The following DNM3 variants were observed in gnomAD, a reference collection of about 807,000 sequenced individuals.
DNM3 encodes the protein dynamin-3.
In DNM3, 47 loss-of-function variants were observed where a neutral mutation model predicts 101.6. That is an observed-to-expected ratio of 0.46 (90% CI 0.37 to 0.59). DNM3 has a LOEUF of 0.59. DNM3 is among the 20% of genes least tolerant of loss of function. DNM3 has a pLI of 0.00. For synonymous variants in DNM3, 385 were observed against 387.9 expected (o/e 0.99, Z 0.09); for missense variants, 849 against 1,085.7 (o/e 0.78, Z 3.06).
intron 14 of DNM3, among the ~76,000 whole-genome samples, chr1:172,189,755 G>A (rs957948984): frequency 6.6e-6 from 1 of 151,984 alleles, no homozygotes; most frequent in African/African-American, 2.4e-5. Flanking sequence ...TCTGCTTCTG[G>A]TGAGGGTCTC....
At chr1:172,256,190 G>T (rs2148696010) in intron 15 of DNM3, among the ~76,000 whole-genome samples, 1 of 152,098 alleles carries the variant, frequency 6.6e-6, no homozygotes, top group South Asian at 2.1e-4. Context: ...ATTTCTGCCT[G>T]GTTTTAATAT....
rs907246480 is a variant in DNM3 at position 171,994,025 on chromosome 1, AT to A, written c.589+4886del. On this transcript the variant is annotated intron_variant, in intron 4 of 20. Transcript: ENST00000627582. Reference sequence around the variant, plus strand: ...CATTCTTTTTGTTCTTTAGATTATTATTTTTTTTTAGTTTTTAAAACATATT... The same window carrying A: ...CATTCTTTTTGTTCTTTAGATTATTATTTTTTTTAGTTTTTAAAACATATT... Among the ~76,000 whole-genome samples the A allele has an allele frequency of 1.9e-4, 28 of 150,722 alleles. No individual in the cohort carries two copies. The South Asian group carries it at 5.0e-3, about 27-fold the overall frequency.
chr1:172,240,500 T>C (rs1424123928), intron 14 of DNM3, among the ~76,000 whole-genome samples: 1 of 152,228 alleles, frequency 6.6e-6, no homozygotes, highest in Non-Finnish European at 1.5e-5. Flanking sequence ...AAAATCATGC[T>C]GCATTTGTAA....
chr1:171,941,121 C>T (rs1367662352), intron 2 of DNM3, among the ~76,000 whole-genome samples: 13 of 152,064 alleles, frequency 8.5e-5, no homozygotes, highest in Admixed American at 4.6e-4. Flanking sequence ...GATTACCTTT[C>T]CTCATGTGAA....
intron 18 of DNM3, among the ~76,000 whole-genome samples, chr1:172,383,424 G>A (rs2069023531): frequency 6.6e-6 from 1 of 152,088 alleles, no homozygotes; most frequent in Non-Finnish European, 1.5e-5. Flanking sequence ...AGAGAATTGT[G>A]AGATCTCAAA....
intron 1 of DNM3, among the ~76,000 whole-genome samples, chr1:171,853,964 T>C (rs1350098157): frequency 6.6e-6 from 1 of 152,248 alleles, no homozygotes; most frequent in Non-Finnish European, 1.5e-5. Flanking sequence ...CTTTTCTGTG[T>C]ATGCAATGGC....
At chr1:171,857,802 A>G (rs979575736) in intron 1 of DNM3, among the ~76,000 whole-genome samples, 2 of 152,084 alleles carry the variant, frequency 1.3e-5, no homozygotes, top group African/African-American at 4.8e-5. Flanking sequence ...CCCAAATATA[A>G]CGATATTTGG....
At chr1:172,387,385 C>G in intron 19 of DNM3, 26 bp downstream of exon 19, 1 of 1,578,336 alleles carries the variant, frequency 6.3e-7, no homozygotes, top group South Asian at 1.1e-5. Context: ...CGGCCGGGTG[C>G]GGTGGCTCGC....
intron 16 of DNM3, among the ~76,000 whole-genome samples, chr1:172,314,387 A>T (rs1452932881): frequency 6.6e-6 from 1 of 152,154 alleles, no homozygotes; most frequent in African/African-American, 2.4e-5. Flanking sequence ...CAGTGGGTGC[A>T]GGTCAGTGGG....
intron 11 of DNM3, among the ~76,000 whole-genome samples, chr1:172,073,249 A>G (rs2052355937): frequency 6.7e-6 from 1 of 149,900 alleles, no homozygotes; most frequent in African/African-American, 2.5e-5. Flanking sequence ...ACATGTACAT[A>G]TATACATACA....
At chr1:172,260,512 T>A (rs1389603326) in intron 15 of DNM3, among the ~76,000 whole-genome samples, 2 of 152,112 alleles carry the variant, frequency 1.3e-5, no homozygotes, top group Non-Finnish European at 2.9e-5. Flanking sequence ...TTAATCTTTT[T>A]GTTGTTGTTG....
intron 4 of DNM3, among the ~76,000 whole-genome samples, chr1:172,001,465 C>A (rs1338474307): frequency 2.0e-5 from 3 of 151,960 alleles, no homozygotes; most frequent in Non-Finnish European, 4.4e-5. Flanking sequence ...CCCATGAAGA[C>A]TATAACTGTG....
chr1:172,076,103 TG>T (rs1186923033), intron 11 of DNM3, among the ~76,000 whole-genome samples: 1 of 152,226 alleles, frequency 6.6e-6, no homozygotes, highest in Non-Finnish European at 1.5e-5. Context: ...GCTCATGATT[TG>T]GCTTTCTGTT....
At chr1:172,079,411 G>C (rs2052952405) in intron 11 of DNM3, among the ~76,000 whole-genome samples, 1 of 151,354 alleles carries the variant, frequency 6.6e-6, no homozygotes, top group South Asian at 2.1e-4. Context: ...TGATCGATTT[G>C]CCTATTGATA....
rs180732333 is a variant in DNM3, at chr1:172,383,202, G to A, written c.2059-3931G>A. 2.5e-4 allele frequency among the ~76,000 whole-genome samples: 38 copies of A among 152,164 alleles called. No individual in the cohort carries two copies. The East Asian group carries it at 6.4e-3, about 25-fold the overall frequency. On this transcript the variant is annotated intron_variant, in intron 18 of 20. Coordinates refer to ENST00000627582, the MANE Select transcript of DNM3 (RefSeq NM_015569.5). ...ACCTCCCATCATTGCTCCCCGCCAA[G>A]GCTAACACTCTTCTGCTTTCTTAAA... is the stretch of plus-strand genomic sequence containing the variant.
At chr1:172,120,418 AT>A in intron 13 of DNM3, among the ~76,000 whole-genome samples, 1 of 152,254 alleles carries the variant, frequency 6.6e-6, no homozygotes, top group South Asian at 2.1e-4. Flanking sequence ...TCAAGATGAA[AT>A]TTGCATGGGG....
At chr1:172,172,988 A>T (rs10911156) in intron 14 of DNM3, among the ~76,000 whole-genome samples, 1,736 of 152,028 alleles carry the variant, frequency 0.011, 39 homozygotes, top group African/African-American at 0.039. Flanking sequence ...ACATAAAAAG[A>T]TAGTAAGCTA....
At chr1:171,950,490 A>C (rs1428813270) in intron 2 of DNM3, among the ~76,000 whole-genome samples, 1 of 152,176 alleles carries the variant, frequency 6.6e-6, no homozygotes, top group Non-Finnish European at 1.5e-5. Flanking sequence ...CATTTATAGT[A>C]GGCTAGGCTT....
At chr1:172,192,926 G>T (rs1255527268) in intron 14 of DNM3, among the ~76,000 whole-genome samples, 2 of 151,188 alleles carry the variant, frequency 1.3e-5, no homozygotes, top group Admixed American at 6.6e-5. Context: ...GGTATTTCTA[G>T]TTCTAGATCC....
Sources: allele counts gnomAD v4.1 joint callset (sites outside exome capture counted in the v4.1 genomes callset), GRCh38; gene constraint gnomAD v4.1.1; transcripts MANE v1.5; gene names NCBI Gene and HGNC (gene_info 2026-07-23, HGNC 2026-07-21).